Variants in MBD5 observed in about 807,000 individuals in gnomAD.
MBD5 encodes the protein methyl-CpG binding domain protein 5.
Under a neutral mutation model 117.3 loss-of-function variants are expected in MBD5, and 13 were observed. The ratio of observed to expected loss-of-function variants is 0.11; its 90% CI spans 0.07 to 0.18. The LOEUF (loss-of-function observed/expected upper bound fraction) is 0.18. Ranked by LOEUF, MBD5 falls within the 10% of genes least tolerant of loss-of-function variation. The probability of loss-of-function intolerance (pLI) is 1.00; values close to 1 mark genes in which losing one functional copy is unlikely to be tolerated. For synonymous variants in MBD5, 727 were observed against 766.4 expected (o/e 0.95, Z 0.85); for missense variants, 1,879 against 2,093.8 (o/e 0.90, Z 2.00).
Position 148,021,475 on chromosome 2 carries a change from CTGCTGT to C in MBD5, c.-1128_-1123del. On this transcript the variant is annotated 5_prime_UTR_variant, in exon 1 of 14. Coordinates refer to ENST00000642680, the MANE Select transcript of MBD5 (RefSeq NM_001378120.1). Reference sequence around the variant, plus strand: ...TTTGCTGCTGCTGTTGCTGCTGCTGCTGCTGTTGCTGCTGCTGCTGCTACTGCTGCT... The same window carrying C: ...TTTGCTGCTGCTGTTGCTGCTGCTGCTGCTGCTGCTGCTGCTACTGCTGCT... 1 of 578,978 alleles carries C rather than the reference CTGCTGT, an allele frequency of 1.7e-6. No homozygotes were observed. Among genetic ancestry groups the C allele is most frequent in the Non-Finnish European group, 3.3e-6 (1 of 300,856 alleles). 35.9% of individuals were successfully genotyped at this position (578,978 alleles called of 1,614,324 possible). A position where few individuals can be genotyped will look rare whatever the true frequency, so the allele number is the denominator to read the frequency against.
At chr2:148,201,088 G>T (rs1699127791) in intron 2 of MBD5, among the ~76,000 whole-genome samples, 1 of 152,320 alleles carries the variant, frequency 6.6e-6, no homozygotes, top group African/African-American at 2.4e-5. Context: ...CCCAGGCCTT[G>T]CTCAGGCCTG....
chr2:148,471,528 T>A (rs1680795757), intron 8 of MBD5: 1 of 152,152 alleles, frequency 6.6e-6, no homozygotes, highest in South Asian at 2.1e-4. Flanking sequence ...AATAATAAGC[T>A]AGTGTGTAGG....
chr2:148,510,081 T>C lies in MBD5; in HGVS notation c.5058T>C (p.His1686=), dbSNP rs1466985995. Residue 1686 remains histidine, a synonymous_variant, in exon 13 of 14, where the codon CAT becomes CAC. Coordinates refer to ENST00000642680, the MANE Select transcript of MBD5 (RefSeq NM_001378120.1). ...RNRKSGKLNN[H]LEAAIHEAMS... Reference sequence around the variant, plus strand: ...CCAGAAGTGGAAAGCTAAATAACCATTTAGAAGCTGCTATTCATGAGGCCA... The same window carrying C: ...CCAGAAGTGGAAAGCTAAATAACCACTTAGAAGCTGCTATTCATGAGGCCA... 29 of 1,612,494 alleles carry C rather than the reference T, an allele frequency of 1.8e-5. No individual in the cohort carries two copies. The highest frequency in any genetic ancestry group is 2.2e-5 in the Non-Finnish European group (26 of 1,178,808).
intron 2 of MBD5, among the ~76,000 whole-genome samples, chr2:148,226,722 C>T (rs1699832262): frequency 6.6e-6 from 1 of 152,152 alleles, no homozygotes; most frequent in Non-Finnish European, 1.5e-5. Flanking sequence ...AGTTTACAGT[C>T]CCACCAGCAG....
intron 1 of MBD5, among the ~76,000 whole-genome samples, chr2:148,121,738 C>A (rs1372306420): frequency 6.6e-6 from 1 of 152,040 alleles, no homozygotes; most frequent in East Asian, 1.9e-4. Context: ...TGAAAAGCAA[C>A]ACATCTTGCC....
intron 2 of MBD5, among the ~76,000 whole-genome samples, chr2:148,215,602 G>A (rs1432683461): frequency 6.6e-6 from 1 of 151,768 alleles, no homozygotes; most frequent in Non-Finnish European, 1.5e-5. Flanking sequence ...CCTCACTGCA[G>A]CCTGGAACTC....
intron 4 of MBD5, among the ~76,000 whole-genome samples, chr2:148,390,567 A>ATATATACGTGTATGTGTGTG (rs1559051522): frequency 6.9e-6 from 1 of 144,644 alleles, no homozygotes. Context: ...ATGTGTGTAT[A>ATATATACGTGTATGTGTGTG]TATATATATA....
intron 1 of MBD5, among the ~76,000 whole-genome samples, chr2:148,039,712 TAG>T (rs2105665850): frequency 6.6e-6 from 1 of 152,316 alleles, no homozygotes; most frequent in Admixed American, 6.5e-5. Context: ...GATTAATTTA[TAG>T]AGTCTATATG....
chr2:148,100,739 G>A (rs1347863837), intron 1 of MBD5, among the ~76,000 whole-genome samples: 1 of 152,184 alleles, frequency 6.6e-6, no homozygotes, highest in African/African-American at 2.4e-5. Flanking sequence ...TATGTCAAGA[G>A]GAAGGAAACT....
chr2:148,322,826 T>G (rs1702318800), intron 3 of MBD5, among the ~76,000 whole-genome samples: 1 of 152,020 alleles, frequency 6.6e-6, no homozygotes, highest in South Asian at 2.1e-4. Context: ...GATGCAAAAG[T>G]TATATATATC....
intron 3 of MBD5, among the ~76,000 whole-genome samples, chr2:148,266,554 GAAAT>G (rs1451699537): frequency 6.6e-6 from 1 of 151,912 alleles, no homozygotes; most frequent in African/African-American, 2.4e-5. Flanking sequence ...AGAAAGAAGA[GAAAT>G]AAAAAGATTG....
intron 2 of MBD5, among the ~76,000 whole-genome samples, chr2:148,206,204 A>C (rs554890064): frequency 3.3e-5 from 5 of 152,154 alleles, no homozygotes; most frequent in African/African-American, 1.2e-4. Flanking sequence ...ATATATGTAT[A>C]CAGAGAGAAA....
chr2:148,031,499 G>A (rs939964132), intron 1 of MBD5, among the ~76,000 whole-genome samples: 3 of 152,112 alleles, frequency 2.0e-5, no homozygotes, highest in Admixed American at 2.0e-4. Context: ...GGATTGGGAA[G>A]CTTATTTTTA....
intron 4 of MBD5, among the ~76,000 whole-genome samples, chr2:148,442,864 C>T (rs1706369929): frequency 6.6e-6 from 1 of 151,278 alleles, no homozygotes; most frequent in South Asian, 2.1e-4. Flanking sequence ...GTAACACAAG[C>T]ACAGGAAACA....
chr2:148,395,412 T>C (rs1474668782), intron 4 of MBD5, among the ~76,000 whole-genome samples: 1 of 150,224 alleles, frequency 6.7e-6, no homozygotes, highest in Non-Finnish European at 1.5e-5. Flanking sequence ...AGAGAATCCA[T>C]TGGCCCAACT....
At chr2:148,446,596 A>G (rs947909973) in intron 4 of MBD5, among the ~76,000 whole-genome samples, 6 of 19,168 alleles carry the variant, frequency 3.1e-4, no homozygotes, top group South Asian at 3.4e-3. Context: ...ATACCAGATT[A>G]TTTATCTGTG....
intron 4 of MBD5, among the ~76,000 whole-genome samples, chr2:148,429,286 A>C (rs1553514541): frequency 6.6e-6 from 1 of 152,230 alleles, no homozygotes; most frequent in Non-Finnish European, 1.5e-5. Flanking sequence ...GCAGATCAAA[A>C]CCACAATGAG....
chr2:148,172,957 A>C (rs1698296167), intron 1 of MBD5, among the ~76,000 whole-genome samples: 1 of 152,046 alleles, frequency 6.6e-6, no homozygotes, highest in Admixed American at 6.6e-5. Context: ...GAAAAGAGCT[A>C]CCCACTTCAG....
chr2:148,152,163 A>AG (rs1697693798), intron 1 of MBD5, among the ~76,000 whole-genome samples: 2 of 152,126 alleles, frequency 1.3e-5, no homozygotes, highest in South Asian at 2.1e-4. Flanking sequence ...TTGGTTTCAA[A>AG]AACATCTTTA....
Sources: gnomAD v4.1 joint callset for allele counts (sites outside exome capture counted in the v4.1 genomes callset) on GRCh38, gnomAD v4.1.1 for gene constraint, MANE v1.5 for transcripts, NCBI Gene and HGNC (gene_info 2026-07-23, HGNC 2026-07-21) for gene names.